The following SLC8A1 variants were observed in gnomAD, a reference collection of about 807,000 sequenced individuals.
SLC8A1 encodes the protein sodium/calcium exchanger 1.
Under a neutral mutation model 68.3 loss-of-function variants are expected in SLC8A1, and 18 were observed. The observed-to-expected ratio is 0.26, with a 90% CI of 0.18 to 0.39. SLC8A1 has a LOEUF of 0.39. Among genes scored for constraint, SLC8A1 ranks in the 10% least tolerant of loss-of-function variants. SLC8A1 has a pLI of 1.00. For missense variants in SLC8A1, 985 were observed against 1,156.7 expected, an observed-to-expected ratio of 0.85 and a Z score of 2.15; for synonymous variants, 475 against 415.5, an observed-to-expected ratio of 1.14 and a Z score of -1.74.
Position 40,170,309 on chromosome 2 carries a change from C to A in SLC8A1, c.1930+4516G>T, listed in dbSNP as rs137879982. The A allele has an allele frequency of 1.9e-6, 3 of 1,614,016 alleles. No individual in the cohort carries two copies. In the South Asian group the frequency reaches 3.3e-5, roughly 18 times the overall value. On this transcript the variant is annotated intron_variant, in intron 4 of 7. Transcript: ENST00000406785. ...CAATGGTGATTACAGTAGAGAGAAT[C>A]GGATGTTCTCTAGCATGAACCTTCC...
At chr2:40,121,291 T>C in intron 7 of SLC8A1, among the ~76,000 whole-genome samples, 1 of 152,144 alleles carries the variant, frequency 6.6e-6, no homozygotes, top group East Asian at 1.9e-4. Context: ...TTGTAAGACA[T>C]GGGAAGGGGA....
chr2:40,232,293 AC>A (rs1432450921), intron 2 of SLC8A1, among the ~76,000 whole-genome samples: 4 of 152,166 alleles, frequency 2.6e-5, no homozygotes, highest in African/African-American at 9.7e-5. Flanking sequence ...TCAGGGGCAT[AC>A]AGGTAGGTGT....
intron 2 of SLC8A1, among the ~76,000 whole-genome samples, chr2:40,389,337 A>T (rs1050839564): frequency 1.3e-5 from 2 of 152,102 alleles, no homozygotes; most frequent in Non-Finnish European, 2.9e-5. Flanking sequence ...TGATATGAAC[A>T]TTCAATTCTT....
intron 2 of SLC8A1, among the ~76,000 whole-genome samples, chr2:40,332,593 G>A (rs536505963): frequency 6.6e-6 from 1 of 152,260 alleles, no homozygotes; most frequent in South Asian, 2.1e-4. Flanking sequence ...GCCAAAAATG[G>A]CTTAGGAACA....
At chr2:40,194,943 A>G (rs895593627) in intron 2 of SLC8A1, among the ~76,000 whole-genome samples, 2 of 152,102 alleles carry the variant, frequency 1.3e-5, no homozygotes, top group African/African-American at 4.8e-5. Context: ...ATGGAAATCT[A>G]GATTATACAG....
At chr2:40,379,454 T>C (rs376452628) in intron 2 of SLC8A1, among the ~76,000 whole-genome samples, 2 of 152,082 alleles carry the variant, frequency 1.3e-5, no homozygotes, top group Non-Finnish European at 2.9e-5. Flanking sequence ...AACCAGGAGA[T>C]CTATAAATAC....
intron 2 of SLC8A1, among the ~76,000 whole-genome samples, chr2:40,376,668 A>T (rs758635715): frequency 5.1e-4 from 78 of 152,118 alleles, no homozygotes; most frequent in Non-Finnish European, 4.7e-4. Context: ...GCAACCATGG[A>T]GTCACTTAGC....
intron 2 of SLC8A1, among the ~76,000 whole-genome samples, chr2:40,362,706 G>A (rs949615823): frequency 6.6e-6 from 1 of 152,082 alleles, no homozygotes; most frequent in African/African-American, 2.4e-5. Context: ...ATTTTGGTAA[G>A]TTTATAAACC....
chr2:40,477,332 G>A (rs1704351228), intron 1 of SLC8A1, among the ~76,000 whole-genome samples: 1 of 152,126 alleles, frequency 6.6e-6, no homozygotes, highest in African/African-American at 2.4e-5. Flanking sequence ...CCTATTTCTA[G>A]AACCTTCTGA....
chr2:40,194,506 T>TGC (rs111376875), intron 2 of SLC8A1, among the ~76,000 whole-genome samples: 88 of 131,926 alleles, frequency 6.7e-4, no homozygotes, highest in South Asian at 1.4e-3. Context: ...TGTGTGTGTG[T>TGC]GCGCGCGCAA....
intron 1 of SLC8A1, among the ~76,000 whole-genome samples, chr2:40,472,080 G>A (rs923550762): frequency 6.6e-6 from 1 of 152,140 alleles, no homozygotes; most frequent in Non-Finnish European, 1.5e-5. Flanking sequence ...CATGGAAGTG[G>A]AGGAATCAAA....
intron 4 of SLC8A1, among the ~76,000 whole-genome samples, chr2:40,167,239 T>C (rs1297811486): frequency 6.6e-6 from 1 of 152,222 alleles, no homozygotes; most frequent in African/African-American, 2.4e-5. Flanking sequence ...CTGTAACTAG[T>C]TCCTAGTATC....
intron 2 of SLC8A1, among the ~76,000 whole-genome samples, chr2:40,379,310 T>C (rs1680947450): frequency 6.6e-6 from 1 of 152,172 alleles, no homozygotes; most frequent in African/African-American, 2.4e-5. Flanking sequence ...TACTGTTCTA[T>C]ACCTCGCTAG....
intron 2 of SLC8A1, among the ~76,000 whole-genome samples, chr2:40,356,783 C>A (rs1159231122): frequency 2.0e-5 from 3 of 152,202 alleles, no homozygotes; most frequent in African/African-American, 4.8e-5. Context: ...ACTCTCCCAA[C>A]TCTGCAGCTT....
intron 2 of SLC8A1, among the ~76,000 whole-genome samples, chr2:40,370,325 A>C (rs149654485): frequency 6.6e-6 from 1 of 152,192 alleles, no homozygotes; most frequent in Non-Finnish European, 1.5e-5. Context: ...CTAGGGAATC[A>C]ATTTACATTT....
chr2:40,124,971 A>G (rs556556110), intron 7 of SLC8A1, among the ~76,000 whole-genome samples: 4 of 152,292 alleles, frequency 2.6e-5, no homozygotes, highest in African/African-American at 9.6e-5. Flanking sequence ...AGGATTTCAC[A>G]ATTTTAAAGG....
At chr2:40,476,249 G>C (rs1704293123) in intron 1 of SLC8A1, among the ~76,000 whole-genome samples, 1 of 152,010 alleles carries the variant, frequency 6.6e-6, no homozygotes, top group Admixed American at 6.6e-5. Flanking sequence ...AGAAACTCTG[G>C]ACCCAAGGAC....
At chr2:40,335,021 A>G (rs1056052547) in intron 2 of SLC8A1, among the ~76,000 whole-genome samples, 1 of 152,110 alleles carries the variant, frequency 6.6e-6, no homozygotes, top group African/African-American at 2.4e-5. Context: ...ACTGATATCA[A>G]CTCATGGATC....
At chr2:40,400,713 G>C (rs918883457) in intron 2 of SLC8A1, among the ~76,000 whole-genome samples, 24 of 152,250 alleles carry the variant, frequency 1.6e-4, no homozygotes, top group African/African-American at 5.8e-4. Context: ...CGGAAAGAAA[G>C]GTACCAGTTC....
Sources: gnomAD v4.1 joint callset for allele counts (sites outside exome capture counted in the v4.1 genomes callset) on GRCh38, gnomAD v4.1.1 for gene constraint, MANE v1.5 for transcripts, NCBI Gene and HGNC (gene_info 2026-07-23, HGNC 2026-07-21) for gene names.